MGAT5: variants seen among roughly 807,000 people sequenced by gnomAD.
The protein encoded by MGAT5 is alpha-1,6-mannosylglycoprotein 6-beta-N-acetylglucosaminyltransferase A.
In MGAT5, 30 loss-of-function variants were observed where a neutral mutation model predicts 94.3. The ratio of observed to expected loss-of-function variants is 0.32; its 90% confidence interval spans 0.24 to 0.43. The LOEUF is 0.43. Among genes scored for constraint, MGAT5 ranks in the 20% least tolerant of loss-of-function variants. MGAT5 has a pLI of 1.00. For missense variants in MGAT5, 691 were observed against 905.5 expected (o/e 0.76, Z 3.04); for synonymous variants, 310 against 322.9 (o/e 0.96, Z 0.43).
At chr2:134,318,575 C>G in intron 3 of MGAT5, 75 bp from the exon 4 acceptor site, 2 of 1,088,906 alleles carry the variant, frequency 1.8e-6, no homozygotes. Flanking sequence ...CTTCACCATT[C>G]TATCCTCGCC....
intron 9 of MGAT5, among the ~76,000 whole-genome samples, chr2:134,350,172 A>C (rs577059721): frequency 6.6e-6 from 1 of 152,234 alleles, no homozygotes; most frequent in East Asian, 1.9e-4. Context: ...CTGGAGAAAA[A>C]ATGTTCAATA....
At chr2:134,417,476 C>T (rs1006808323) in intron 12 of MGAT5, among the ~76,000 whole-genome samples, 1 of 152,016 alleles carries the variant, frequency 6.6e-6, no homozygotes, top group African/African-American at 2.4e-5. Flanking sequence ...TCACTATCAC[C>T]CATGACCTTA....
chr2:134,453,536 A>C lies in MGAT5; in HGVS notation c.*4689A>C, dbSNP rs1480220976. On this transcript the variant is annotated 3_prime_UTR_variant, in exon 16 of 16. Coordinates refer to ENST00000281923, the MANE Select transcript of MGAT5 (RefSeq NM_002410.5). The stretch of plus-strand genomic sequence containing the variant: ...AGTATTCCTTTGAATGCAATAATAG[A>C]GGCTTTTCTGCGTTAAGGGAGAAGG... The C allele has an allele frequency of 6.6e-6, 1 of 152,182 alleles. No individual in the cohort carries two copies. The highest frequency in any genetic ancestry group is 1.5e-5 in the Non-Finnish European group (1 of 68,034). The allele number at this position is 152,182 out of a possible 1,614,324, so 9.4% of individuals were successfully genotyped here.
intron 7 of MGAT5, 32 bp downstream of exon 7, chr2:134,341,791 G>T: frequency 6.4e-7 from 1 of 1,563,008 alleles, no homozygotes; most frequent in Non-Finnish European, 8.6e-7. Flanking sequence ...TTTAAAATCA[G>T]AATACAAAAA....
intron 2 of MGAT5, among the ~76,000 whole-genome samples, chr2:134,278,624 A>T (rs1684518925): frequency 6.6e-6 from 1 of 152,164 alleles, no homozygotes; most frequent in Non-Finnish European, 1.5e-5. Flanking sequence ...TTCTGGAGCT[A>T]TCCTAAACCT....
At chr2:134,157,285 T>C (rs1687521070) in intron 1 of MGAT5, among the ~76,000 whole-genome samples, 1 of 152,186 alleles carries the variant, frequency 6.6e-6, no homozygotes, top group Non-Finnish European at 1.5e-5. Flanking sequence ...TAGGGGAAGC[T>C]GGCCAAAGAG....
chr2:134,124,097 C>T (rs889177793), intron 1 of MGAT5, among the ~76,000 whole-genome samples: 2 of 152,206 alleles, frequency 1.3e-5, no homozygotes, highest in Non-Finnish European at 2.9e-5. Flanking sequence ...CTGCCATGTG[C>T]TGTGCACTGG....
chr2:134,308,265 C>T (rs62168002), intron 2 of MGAT5, among the ~76,000 whole-genome samples: 2,807 of 152,154 alleles, frequency 0.018, 50 homozygotes, highest in Non-Finnish European at 0.032. Flanking sequence ...CCCATTTTTC[C>T]AGTGGTTACT....
chr2:134,335,420 T>C (rs1002399852), intron 4 of MGAT5, among the ~76,000 whole-genome samples: 2 of 152,220 alleles, frequency 1.3e-5, no homozygotes, highest in African/African-American at 2.4e-5. Flanking sequence ...AATATAACTT[T>C]AATGCATTTC....
Position 134,406,537 on chromosome 2 carries a change from GC to G in MGAT5, c.1530+3406del, listed in dbSNP as rs576505344. 1.5e-3 allele frequency among the ~76,000 whole-genome samples: 221 copies of G among 152,180 alleles called. 2 individuals carry two copies. The highest frequency in any genetic ancestry group is 5.0e-3 in the African/African-American group (208 of 41,514). On this transcript the variant is annotated intron_variant, in intron 11 of 15. Coordinates refer to ENST00000281923, the MANE Select transcript of MGAT5 (RefSeq NM_002410.5). ...TCCTCATGACTGACTGTGCCACCCT[GC>G]CCCCCACCAACTATGTCTCTTCTTA...
intron 1 of MGAT5, among the ~76,000 whole-genome samples, chr2:134,148,109 T>C (rs1337432747): frequency 6.6e-6 from 1 of 152,164 alleles, no homozygotes; most frequent in African/African-American, 2.4e-5. Context: ...TCTAATTTGT[T>C]TGCCTTGTAA....
At chr2:134,323,395 C>T (rs1687444217) in intron 4 of MGAT5, among the ~76,000 whole-genome samples, 1 of 152,096 alleles carries the variant, frequency 6.6e-6, no homozygotes. Flanking sequence ...TAAGTGACTT[C>T]AGCATCTGAG....
In MGAT5 at chr2:134,260,171, T is replaced by G. The variant is rs150899628; in HGVS notation, c.241+5527T>G. Among the ~76,000 whole-genome samples the G allele has an allele frequency of 5.0e-3, 754 of 152,322 alleles. 7 individuals carry two copies. The highest frequency in any genetic ancestry group is 0.017 in the African/African-American group (715 of 41,562). On this transcript the variant is annotated intron_variant, in intron 1 of 15. Transcript: ENST00000281923. ...GTTGAGGCAGTGAGAAGCCGGCAGCTTATGCAGAGCCCTGTAGGCTATGAC... is the reference window on the plus strand; with the variant it reads ...GTTGAGGCAGTGAGAAGCCGGCAGCGTATGCAGAGCCCTGTAGGCTATGAC...
rs112394718 is a variant in MGAT5, at chr2:134,126,885, CT to C, written c.-143+6607del. ...TTTGGTATCAGTCTTCTTGCAGCTG[CT>C]TTTTTTTTTTTTAAACCATCTTATT... On this transcript the variant is annotated intron_variant, in intron 1 of 16. Coordinates refer to the MGAT5 transcript ENST00000409645. 3.5e-3 allele frequency among the ~76,000 whole-genome samples: 501 copies of C among 143,942 alleles called. 1 individual carries two copies. Among genetic ancestry groups the C allele is most frequent in the African/African-American group, 4.3e-3 (171 of 39,602 alleles). 94.4% of individuals were successfully genotyped at this position (143,942 alleles called of 152,430 possible).
rs13424718 is a variant in MGAT5, at chr2:134,194,943, A to T, written c.-142-59319A>T. The stretch of plus-strand genomic sequence containing the variant: ...TGCAGTTGAAGTTGGGTGCTCTTTT[A>T]CTAATATCTAGTCTTTTCTCTGTAG... On this transcript the variant is annotated intron_variant, in intron 1 of 16. Coordinates refer to the MGAT5 transcript ENST00000409645. Among the ~76,000 whole-genome samples, 996 of 152,282 alleles carry T rather than the reference A, an allele frequency of 6.5e-3. 11 individuals carry two copies. Among genetic ancestry groups the T allele is most frequent in the African/African-American group, 0.022 (923 of 41,556 alleles).
chr2:134,153,967 C>CT (rs1322873122), intron 1 of MGAT5, among the ~76,000 whole-genome samples: 1 of 152,124 alleles, frequency 6.6e-6, no homozygotes, highest in African/African-American at 2.4e-5. Flanking sequence ...AACGGCAGGG[C>CT]TGTAGCTCTT....
intron 1 of MGAT5, among the ~76,000 whole-genome samples, chr2:134,206,423 T>G (rs1680024826): frequency 2.0e-5 from 3 of 152,188 alleles, no homozygotes; most frequent in African/African-American, 7.2e-5. Flanking sequence ...TAGCACACAT[T>G]TGAGAGACAG....
At chr2:134,435,840 C>T (rs900150053) in intron 14 of MGAT5, among the ~76,000 whole-genome samples, 3 of 152,178 alleles carry the variant, frequency 2.0e-5, no homozygotes, top group African/African-American at 7.2e-5. Context: ...GTTGGCACTG[C>T]CTTATTAGCC....
intron 2 of MGAT5, among the ~76,000 whole-genome samples, chr2:134,314,375 G>A (rs567677867): frequency 3.0e-4 from 46 of 152,358 alleles, no homozygotes; most frequent in Non-Finnish European, 1.2e-4. Context: ...AAAGGCCCTG[G>A]CCTGGTGGGA....
Sources: gnomAD v4.1 joint callset for allele counts (sites outside exome capture counted in the v4.1 genomes callset) on GRCh38, gnomAD v4.1.1 for gene constraint, MANE v1.5 for transcripts, NCBI Gene and HGNC (gene_info 2026-07-23, HGNC 2026-07-21) for gene names.